The following ALKBH6 variants were observed in gnomAD, a reference collection of about 807,000 sequenced individuals.
ALKBH6 encodes the protein probable RNA/DNA demethylase ALKBH6.
A neutral mutation model predicts 25.1 loss-of-function variants in ALKBH6; 20 were observed. That is an observed-to-expected ratio of 0.80 (90% CI 0.56 to 1.16). The LOEUF is 1.16. ALKBH6 is among the 50% of genes most tolerant of loss of function. The pLI is 0.00. For synonymous variants in ALKBH6, 156 were observed against 147.5 expected (o/e 1.06, Z -0.42); for missense variants, 263 against 326.5 (o/e 0.81, Z 1.50).
Position 36,013,476 on chromosome 19 carries a change from T to C in ALKBH6, c.-25-54A>G, listed in dbSNP as rs1234117072. The C allele has an allele frequency of 6.2e-7, 1 of 1,606,714 alleles. No homozygotes were observed. The highest frequency in any genetic ancestry group is 1.3e-5 in the African/African-American group (1 of 74,818). Reference sequence around the variant, plus strand: ...CACTAGGCCTCCCGCCCTAACACCATGATGCAGCATTCCACCCCATCACAG... The same window carrying C: ...CACTAGGCCTCCCGCCCTAACACCACGATGCAGCATTCCACCCCATCACAG... On this transcript the variant is annotated intron_variant, in intron 1 of 6. Transcript: ENST00000378875. This position sits in a 1 kb window ranked among gnomAD's most constrained non-coding sequence, Gnocchi z 4.6.
In ALKBH6 at chr19:36,009,317, C is replaced by G; in HGVS notation, c.690G>C (p.Leu230=). 3 of 1,361,370 alleles carry G rather than the reference C, an allele frequency of 2.2e-6. No homozygotes were observed. The highest frequency in any genetic ancestry group is 2.8e-6 in the Non-Finnish European group (3 of 1,054,472). 84.3% of individuals were successfully genotyped at this position (1,361,370 alleles called of 1,614,324 possible). A position where few individuals can be genotyped will look rare whatever the true frequency, so the allele number is the denominator to read the frequency against. The change falls in exon 7 of 7, where the codon CTG becomes CTC. Residue 230 remains leucine, a synonymous_variant. Coordinates refer to ENST00000378875, the MANE Select transcript of ALKBH6 (RefSeq NM_032878.5). ...SLTIRRVPRV[L]RAGLLLGK ...ACTTGCCCAGCAGGAGGCCGGCGCG[C>G]AGCACGCGGGGCACGCGGCGGATGG...
rs776140876 is a variant in ALKBH6, at chr19:36,013,445, T to C, written c.-25-23A>G. On this transcript the variant is annotated intron_variant, in intron 1 of 6. Coordinates refer to ENST00000378875, the MANE Select transcript of ALKBH6 (RefSeq NM_032878.5). This position sits in a 1 kb window ranked among gnomAD's most constrained non-coding sequence, Gnocchi z 4.6. ...ATCCTGTAGGGAGGGGAGGACATAC[T>C]GAAGTCACTAGGCCTCCCGCCCTAA... 13 of 1,613,362 alleles carry C rather than the reference T, an allele frequency of 8.1e-6. No homozygotes were observed. The Admixed American group carries it at 1.8e-4, about 23-fold the overall frequency.
At position 36,013,660 on chromosome 19, in the gene ALKBH6, C is replaced by T. The variant is rs1599688154; in HGVS notation, c.-25-238G>A. The T allele has an allele frequency of 2.9e-6, 4 of 1,370,636 alleles. No homozygotes were observed. The highest frequency in any genetic ancestry group is 2.9e-5 in the East Asian group (1 of 34,564). The allele number at this position is 1,370,636 out of a possible 1,614,324, so 84.9% of individuals were successfully genotyped here. On this transcript the variant is annotated intron_variant, in intron 1 of 6. Transcript: ENST00000378875. This position sits in a 1 kb window ranked among gnomAD's most constrained non-coding sequence, Gnocchi z 4.6. ...TTACTCTGTCCACTAAGGGCCCATC[C>T]AACTACACATATGCCTTCTCAATCC...
chr19:36,009,485 G>T lies in ALKBH6; in HGVS notation c.522C>A (p.Gly174=). The part of the protein sequence containing the change: ...LEPRSLLVLR[G]PAYTRLLHGI... ...CGTGGAGAAGACGCGTGTAGGCGGGGCCGCGGAGCACCAGCAGGCTGCGCG... is the reference window on the plus strand; with the variant it reads ...CGTGGAGAAGACGCGTGTAGGCGGGTCCGCGGAGCACCAGCAGGCTGCGCG... The change falls in exon 7 of 7, where the codon GGC becomes GGA. Residue 174 remains glycine, a synonymous_variant. Coordinates refer to ENST00000378875, the MANE Select transcript of ALKBH6 (RefSeq NM_032878.5). 8.0e-7 allele frequency: 1 copy of T among 1,249,886 alleles called. No individual in the cohort carries two copies. Among genetic ancestry groups the T allele is most frequent in the Non-Finnish European group, 1.0e-6 (1 of 999,012 alleles). The allele number at this position is 1,249,886 out of a possible 1,614,324, so 77.4% of individuals were successfully genotyped here.
At chr19:36,011,074 C>T (rs1318702382) in intron 4 of ALKBH6, 29 bp from the exon 5 acceptor site, 5 of 1,570,006 alleles carry the variant, frequency 3.2e-6, no homozygotes, top group Non-Finnish European at 4.3e-6. Context: ...TCCTGAGGGC[C>T]CCCCTATAGC....
chr19:36,011,549 T>G (rs1221681335), intron 3 of ALKBH6, 85 bp from the exon 4 acceptor site: 2 of 1,437,028 alleles, frequency 1.4e-6, no homozygotes, highest in Non-Finnish European at 1.9e-6. Context: ...GGCCTTTACC[T>G]CCGGGATGGA....
Position 36,010,158 on chromosome 19 carries a change from T to G in ALKBH6, c.453+409A>C. The G allele has an allele frequency of 1.0e-5, 2 of 195,728 alleles. No individual in the cohort carries two copies. The highest frequency in any genetic ancestry group is 1.5e-4 in the East Asian group (1 of 6,808). 12.1% of individuals were successfully genotyped at this position (195,728 alleles called of 1,614,324 possible). A position where few individuals can be genotyped will look rare whatever the true frequency, so the allele number is the denominator to read the frequency against. ...CACTCAGAGAAATTGTGTCAAGGGG[T>G]CAAGGAGAATCTGGGGGTGTCCTGC... On this transcript the variant is annotated intron_variant, in intron 6 of 6. Coordinates refer to ENST00000378875, the MANE Select transcript of ALKBH6 (RefSeq NM_032878.5). The surrounding 1 kb of genome is among the most constrained non-coding windows in gnomAD (Gnocchi z 5.5).
Position 36,013,565 on chromosome 19 carries a change from T to A in ALKBH6, c.-25-143A>T. 1 of 1,453,328 alleles carries A rather than the reference T, an allele frequency of 6.9e-7. No homozygotes were observed. The highest frequency in any genetic ancestry group is 9.0e-7 in the Non-Finnish European group (1 of 1,105,558). 90.0% of individuals were successfully genotyped at this position (1,453,328 alleles called of 1,614,324 possible). ...GTCTCTAAAATCTGAGTCTTCAGCA[T>A]CTTACAAGCCACACAGAGAGCCCCT... On this transcript the variant is annotated intron_variant, in intron 1 of 6. Transcript: ENST00000378875. This position sits in a 1 kb window ranked among gnomAD's most constrained non-coding sequence, Gnocchi z 4.6.
chr19:36,010,667 G>A lies in ALKBH6; in HGVS notation c.353C>T (p.Pro118Leu). The A allele has an allele frequency of 6.2e-7, 1 of 1,613,964 alleles. No homozygotes were observed. Among genetic ancestry groups the A allele is most frequent in the Non-Finnish European group, 8.5e-7 (1 of 1,179,902 alleles). The change falls in exon 6 of 7, where the codon CCA becomes CTA. Residue 118 changes from proline to leucine, a missense_variant. Around this residue, in one of 3 missense-constraint regions of ALKBH6, gnomAD observed 112 missense variants for 153.0 expected, o/e 0.73. Transcript: ENST00000378875. The surrounding 1 kb of genome is among the most constrained non-coding windows in gnomAD (Gnocchi z 5.5). ...GEGIMPHEDG[P>L]LYYPTVSTIS... ...GGTGCTGACAGTCGGGTAGTACAGT[G>A]GTCCGTCCTCGTGGGGCTAGGGAGT...
chr19:36,013,992 TC>T lies in ALKBH6; in HGVS notation c.-26+182del. On this transcript the variant is annotated intron_variant, in intron 1 of 6. Coordinates refer to ENST00000378875, the MANE Select transcript of ALKBH6 (RefSeq NM_032878.5). This position sits in a 1 kb window ranked among gnomAD's most constrained non-coding sequence, Gnocchi z 4.6. ...GCCCCTTCACTCCAGCACCCTGAGA[TC>T]TTTAGCTCTGAGGCTGACTCCCAAA... 7.1e-7 allele frequency: 1 copy of T among 1,410,080 alleles called. No homozygotes were observed. Among genetic ancestry groups the T allele is most frequent in the African/African-American group, 1.5e-5 (1 of 66,800 alleles). 87.3% of individuals were successfully genotyped at this position (1,410,080 alleles called of 1,614,324 possible).
intron 4 of ALKBH6, 25 bp from the exon 5 acceptor site, chr19:36,011,070 G>C (rs1968597133): frequency 1.3e-6 from 2 of 1,577,470 alleles, no homozygotes; most frequent in East Asian, 4.7e-5. Context: ...GGGGTCCTGA[G>C]GGCCCCCCTA....
In ALKBH6 at chr19:36,009,281, C is replaced by A; in HGVS notation, c.*9G>T. ...AACCTGGGAATCCGAGGGGTCCCGG[C>A]CCTGGCGGTCACTTGCCCAGCAGGA... On this transcript the variant is annotated 3_prime_UTR_variant, in exon 7 of 7. Coordinates refer to ENST00000378875, the MANE Select transcript of ALKBH6 (RefSeq NM_032878.5). The A allele has an allele frequency of 7.5e-7, 1 of 1,341,862 alleles. No individual in the cohort carries two copies. The highest frequency in any genetic ancestry group is 9.6e-7 in the Non-Finnish European group (1 of 1,047,066). The allele number at this position is 1,341,862 out of a possible 1,614,324, so 83.1% of individuals were successfully genotyped here.
chr19:36,009,369 AG>A lies in ALKBH6; in HGVS notation c.637del (p.Leu213TrpfsTer9). ...CAGCGAGACCCGGGTGCCGCGCACC[AG>A]GCAGGCTCCCGGCCGCGCCGACGGG... is the stretch of plus-strand genomic sequence containing the variant. ...ACPSARPGAC[L>X]VRGTRVSLTI... On this transcript the variant is annotated frameshift_variant, in exon 7 of 7. Transcript: ENST00000378875. LOFTEE classifies it high-confidence loss of function. 1 of 1,276,862 alleles carries A rather than the reference AG, an allele frequency of 7.8e-7. No homozygotes were observed. The highest frequency in any genetic ancestry group is 9.9e-7 in the Non-Finnish European group (1 of 1,012,630). 79.1% of individuals were successfully genotyped at this position (1,276,862 alleles called of 1,614,324 possible).
rs1192768390 is a variant in ALKBH6, at chr19:36,009,216, T to C, written c.*74A>G. On this transcript the variant is annotated 3_prime_UTR_variant, in exon 7 of 7. Coordinates refer to ENST00000378875, the MANE Select transcript of ALKBH6 (RefSeq NM_032878.5). ...CCAGGGGAGCCCCCTTTGCCCACGG[T>C]TCCTAGGTCGCGGAGTCACAGCAGC... is the stretch of plus-strand genomic sequence containing the variant. 7 of 1,248,320 alleles carry C rather than the reference T, an allele frequency of 5.6e-6. No individual in the cohort carries two copies. In the African/African-American group the frequency reaches 1.1e-4, roughly 19 times the overall value. The allele number at this position is 1,248,320 out of a possible 1,614,324, so 77.3% of individuals were successfully genotyped here.
rs1012329759 is a variant in ALKBH6 at position 36,009,248 on chromosome 19, G to T, written c.*42C>A. On this transcript the variant is annotated 3_prime_UTR_variant, in exon 7 of 7. Coordinates refer to ENST00000378875, the MANE Select transcript of ALKBH6 (RefSeq NM_032878.5). ...GTCGCGGAGTCACAGCAGCCCCAAA[G>T]GGGCAGGAACCTGGGAATCCGAGGG... is the stretch of plus-strand genomic sequence containing the variant. The T allele has an allele frequency of 1.2e-5, 15 of 1,283,096 alleles. No individual in the cohort carries two copies. The African/African-American group carries it at 1.9e-4, about 16-fold the overall frequency. 79.5% of individuals were successfully genotyped at this position (1,283,096 alleles called of 1,614,324 possible).
intron 6 of ALKBH6, among the ~76,000 whole-genome samples, chr19:36,009,949 A>G (rs1238537832): frequency 6.6e-6 from 1 of 152,040 alleles, no homozygotes; most frequent in Non-Finnish European, 1.5e-5. Flanking sequence ...CCAGGTGAGG[A>G]GAGAGTGAGG....
In ALKBH6 at chr19:36,010,764, A is replaced by G; in HGVS notation, c.337-81T>C. On this transcript the variant is annotated intron_variant, in intron 5 of 6. Coordinates refer to ENST00000378875, the MANE Select transcript of ALKBH6 (RefSeq NM_032878.5). The surrounding 1 kb of genome is among the most constrained non-coding windows in gnomAD (Gnocchi z 5.5). The stretch of plus-strand genomic sequence containing the variant: ...GGGTCAAAGGGGGGCTTCCCAAGCC[A>G]GGGACAGGGAGGTGAATGCCTGTTT... 1 of 1,564,844 alleles carries G rather than the reference A, an allele frequency of 6.4e-7. No homozygotes were observed. Among genetic ancestry groups the G allele is most frequent in the South Asian group, 1.1e-5 (1 of 89,714 alleles).
rs1968682612 is a variant in ALKBH6, at chr19:36,013,579, CAGAG to C, written c.-25-161_-25-158del. On this transcript the variant is annotated intron_variant, in intron 1 of 6. Transcript: ENST00000378875. This position sits in a 1 kb window ranked among gnomAD's most constrained non-coding sequence, Gnocchi z 4.6. Reference sequence around the variant, plus strand: ...AGTCTTCAGCATCTTACAAGCCACACAGAGAGCCCCTACGTTCCATGCCCGGACA... The same window carrying C: ...AGTCTTCAGCATCTTACAAGCCACACAGCCCCTACGTTCCATGCCCGGACA... 3 of 1,440,100 alleles carry C rather than the reference CAGAG, an allele frequency of 2.1e-6. No homozygotes were observed. Among genetic ancestry groups the C allele is most frequent in the African/African-American group, 1.4e-5 (1 of 70,016 alleles). 89.2% of individuals were successfully genotyped at this position (1,440,100 alleles called of 1,614,324 possible).
chr19:36,009,437 G>T lies in ALKBH6; in HGVS notation c.570C>A (p.Asp190Glu). 8.0e-7 allele frequency: 1 copy of T among 1,245,314 alleles called. No individual in the cohort carries two copies. The highest frequency in any genetic ancestry group is 1.0e-6 in the Non-Finnish European group (1 of 996,592). 77.1% of individuals were successfully genotyped at this position (1,245,314 alleles called of 1,614,324 possible). ...LLHGIAAARV[D>E]ALDAASSPPN... ...GCGGCGAGGAGGCGGCGTCCAGCGCGTCTACGCGGGCGGCGGCGATGCCGT... is the reference window on the plus strand; with the variant it reads ...GCGGCGAGGAGGCGGCGTCCAGCGCTTCTACGCGGGCGGCGGCGATGCCGT... The change falls in exon 7 of 7, where the codon GAC becomes GAA. Residue 190 changes from aspartate (D) to glutamate (E), a missense_variant. Asp to Glu is a conservative substitution (Grantham distance 45). This residue lies in a region of ALKBH6 where 148 missense variants were observed against 157.5 expected (regional missense o/e 0.94). Transcript: ENST00000378875.
Sources: gnomAD v4.1 joint callset for allele counts (sites outside exome capture counted in the v4.1 genomes callset) on GRCh38, gnomAD v4.1.1 for gene constraint, gnomAD v4.1.1 regional missense constraint, Gnocchi (gnomAD v3.1) non-coding constraint, MANE v1.5 for transcripts, NCBI Gene and HGNC (gene_info 2026-07-23, HGNC 2026-07-21) for gene names.